Variants in FER observed in about 807,000 individuals in gnomAD.
The protein encoded by FER is FER tyrosine kinase.
FER carries 63 observed loss-of-function variants against 111.0 expected under a neutral mutation model. The observed-to-expected ratio is 0.57, with a 90% CI of 0.46 to 0.70. The LOEUF is 0.70. Ranked by LOEUF, FER falls within the 30% of genes least tolerant of loss-of-function variation. FER has a pLI of 0.00. For synonymous variants in FER, 327 were observed against 313.9 expected (o/e 1.04, Z -0.44); for missense variants, 914 against 954.0 (o/e 0.96, Z 0.55).
chr5:108,768,014 G>A (rs928138086), intron 1 of FER, 79 bp from the exon 2 acceptor site: 1 of 152,174 alleles, frequency 6.6e-6, no homozygotes, highest in Non-Finnish European at 1.5e-5. Context: ...TCCAGGAATA[G>A]CCAAGTATAC....
chr5:108,794,854 G>T (rs189936423), intron 2 of FER, among the ~76,000 whole-genome samples: 139 of 152,224 alleles, frequency 9.1e-4, no homozygotes, highest in Non-Finnish European at 1.7e-3. Flanking sequence ...ATTATTAAAT[G>T]CCTTGAGGTA....
intron 16 of FER, among the ~76,000 whole-genome samples, chr5:109,063,579 T>G (rs557925601): frequency 2.0e-5 from 3 of 152,316 alleles, no homozygotes; most frequent in Admixed American, 6.5e-5. Flanking sequence ...CATTGCCAAT[T>G]ATATTACAAT....
chr5:108,882,932 T>G (rs1765819247), intron 8 of FER, among the ~76,000 whole-genome samples: 1 of 151,906 alleles, frequency 6.6e-6, no homozygotes, highest in Non-Finnish European at 1.5e-5. Flanking sequence ...TAGCTTACCA[T>G]GAATTTAAAA....
intron 1 of FER, among the ~76,000 whole-genome samples, chr5:108,752,860 TA>T (rs1750652875): frequency 1.3e-5 from 2 of 152,134 alleles, no homozygotes; most frequent in Admixed American, 1.3e-4. Context: ...ATAAACTTGA[TA>T]TTGTCACTTT....
intron 17 of FER, among the ~76,000 whole-genome samples, chr5:109,180,243 G>C (rs539354697): frequency 6.6e-6 from 1 of 152,190 alleles, no homozygotes; most frequent in African/African-American, 2.4e-5. Context: ...CCAACCTTTG[G>C]GAAGCCCTAA....
intron 17 of FER, among the ~76,000 whole-genome samples, chr5:109,126,103 G>T (rs559729492): frequency 6.6e-6 from 1 of 152,194 alleles, no homozygotes; most frequent in Non-Finnish European, 1.5e-5. Flanking sequence ...ATTATCTGTG[G>T]ATAATCAGAA....
At chr5:109,126,162 A>G (rs1751692982) in intron 17 of FER, among the ~76,000 whole-genome samples, 1 of 152,240 alleles carries the variant, frequency 6.6e-6, no homozygotes, top group African/African-American at 2.4e-5. Flanking sequence ...ACACGAAAAA[A>G]GACGCTAAAC....
At chr5:109,077,267 C>T (rs958653671) in intron 16 of FER, among the ~76,000 whole-genome samples, 2 of 152,212 alleles carry the variant, frequency 1.3e-5, no homozygotes, top group African/African-American at 4.8e-5. Context: ...ATTTAGAGTA[C>T]ATGAGCAACC....
At position 108,915,697 on chromosome 5, in the gene FER, G is replaced by A. The variant is rs189941708; in HGVS notation, c.1236+17849G>A. ...TTTTGTTGCTAAGGCCATTAAGGAAGAATTAAGAAAGAGGGAAAAGGAGAT... is the reference window on the plus strand; with the variant it reads ...TTTTGTTGCTAAGGCCATTAAGGAAAAATTAAGAAAGAGGGAAAAGGAGAT... On this transcript the variant is annotated intron_variant, in intron 10 of 19. Coordinates refer to ENST00000281092, the MANE Select transcript of FER (RefSeq NM_005246.4). Among the ~76,000 whole-genome samples the A allele has an allele frequency of 1.0e-3, 157 of 150,932 alleles. 1 individual carries two copies. Among genetic ancestry groups the A allele is most frequent in the African/African-American group, 3.5e-3 (144 of 41,234 alleles).
chr5:108,985,954 A>G (rs1470651921), intron 13 of FER, among the ~76,000 whole-genome samples: 1 of 152,192 alleles, frequency 6.6e-6, no homozygotes, highest in Non-Finnish European at 1.5e-5. Flanking sequence ...TAGATACCCA[A>G]TGGTGGGATT....
At chr5:108,880,055 T>C (rs2150276162) in intron 8 of FER, among the ~76,000 whole-genome samples, 1 of 152,222 alleles carries the variant, frequency 6.6e-6, no homozygotes, top group African/African-American at 2.4e-5. Context: ...TCTTTTCTTC[T>C]TTGATGTCTG....
intron 13 of FER, among the ~76,000 whole-genome samples, chr5:109,016,648 T>C (rs908582992): frequency 6.6e-6 from 1 of 152,074 alleles, no homozygotes; most frequent in African/African-American, 2.4e-5. Context: ...CAAAAAGCTT[T>C]TGTTGCAAAG....
intron 9 of FER, among the ~76,000 whole-genome samples, chr5:108,895,532 A>C (rs866297874): frequency 6.6e-6 from 1 of 152,178 alleles, no homozygotes; most frequent in African/African-American, 2.4e-5. Context: ...TCTTGGTCCC[A>C]AGTTACACTG....
At chr5:109,138,759 C>G (rs1308563598) in intron 17 of FER, among the ~76,000 whole-genome samples, 1 of 152,116 alleles carries the variant, frequency 6.6e-6, no homozygotes, top group African/African-American at 2.4e-5. Context: ...AGTTAGGAGA[C>G]TATTACAGCT....
chr5:108,925,004 C>A (rs185735245), intron 10 of FER, among the ~76,000 whole-genome samples: 7 of 152,126 alleles, frequency 4.6e-5, no homozygotes, highest in Admixed American at 3.9e-4. Flanking sequence ...CTTCTTTTCA[C>A]ATTTGTATTT....
At position 108,920,548 on chromosome 5, in the gene FER, C is replaced by T. The variant is rs145385588; in HGVS notation, c.1236+22700C>T. 4.7e-3 allele frequency among the ~76,000 whole-genome samples: 716 copies of T among 152,138 alleles called. 2 individuals carry two copies. Among genetic ancestry groups the T allele is most frequent in the African/African-American group, 0.016 (683 of 41,528 alleles). ...GGTATTTTCAGTCAATTGCTTAAGT[C>T]CAAATCTTGGGAATCACCCTTGTGT... On this transcript the variant is annotated intron_variant, in intron 10 of 19. Coordinates refer to ENST00000281092, the MANE Select transcript of FER (RefSeq NM_005246.4).
At chr5:108,952,175 G>A (rs536419804) in intron 11 of FER, among the ~76,000 whole-genome samples, 3 of 152,040 alleles carry the variant, frequency 2.0e-5, no homozygotes, top group Non-Finnish European at 2.9e-5. Context: ...CCATATCTTT[G>A]GCAAAAATCT....
chr5:109,029,354 G>A (rs201272899), intron 13 of FER, among the ~76,000 whole-genome samples: 3 of 144,736 alleles, frequency 2.1e-5, no homozygotes, highest in East Asian at 4.0e-4. Context: ...CCACTAACTC[G>A]TCATCTAGCA....
chr5:108,761,759 G>T (rs912364319), intron 1 of FER, among the ~76,000 whole-genome samples: 2 of 152,144 alleles, frequency 1.3e-5, no homozygotes, highest in African/African-American at 4.8e-5. Context: ...TGATTTATGA[G>T]AACAGCAATT....
Sources: gnomAD v4.1 joint callset for allele counts (sites outside exome capture counted in the v4.1 genomes callset) on GRCh38, gnomAD v4.1.1 for gene constraint, MANE v1.5 for transcripts, NCBI Gene and HGNC (gene_info 2026-07-23, HGNC 2026-07-21) for gene names.